NBEA: variants seen among roughly 807,000 people sequenced by gnomAD.
NBEA encodes the protein lysosomal-trafficking regulator 2.
In NBEA, 44 loss-of-function variants were observed where a neutral mutation model predicts 343.4. The observed-to-expected ratio is 0.13, with a 90% CI of 0.10 to 0.16. The LOEUF is 0.16. Ranked by LOEUF, NBEA falls within the 10% of genes least tolerant of loss-of-function variation. NBEA has a pLI of 1.00. For missense variants in NBEA, 2,555 were observed against 3,631.3 expected, an observed-to-expected ratio of 0.70 and a Z score of 7.62; for synonymous variants, 1,175 against 1,238.7, an observed-to-expected ratio of 0.95 and a Z score of 1.08.
In NBEA at chr13:35,125,708, A is replaced by T. The variant is rs532173177; in HGVS notation, c.2336+2134A>T. On this transcript the variant is annotated intron_variant, in intron 17 of 58. Coordinates refer to ENST00000379939, the MANE Select transcript of NBEA (RefSeq NM_001385012.1). The stretch of plus-strand genomic sequence containing the variant: ...TCAGTGCAGGTGAATCAGATAAAAA[A>T]CATGGAAAAAATAAGTTAAAGTAAC... Among the ~76,000 whole-genome samples, 11 of 152,346 alleles carry T rather than the reference A, an allele frequency of 7.2e-5. No individual in the cohort carries two copies. In the East Asian group the frequency reaches 2.1e-3, roughly 29 times the overall value.
intron 40 of NBEA, among the ~76,000 whole-genome samples, chr13:35,463,130 A>G (rs1019071725): frequency 3.9e-5 from 6 of 152,226 alleles, no homozygotes; most frequent in African/African-American, 7.2e-5. Context: ...AGGGCAGCCA[A>G]TGAAGGAGAG....
At chr13:35,115,050 G>C (rs2152665946) in intron 13 of NBEA, among the ~76,000 whole-genome samples, 1 of 152,074 alleles carries the variant, frequency 6.6e-6, no homozygotes, top group East Asian at 1.9e-4. Flanking sequence ...ATTATATATA[G>C]TTAAGTGTAA....
At chr13:35,509,831 C>T (rs1398090703) in intron 41 of NBEA, among the ~76,000 whole-genome samples, 1 of 152,126 alleles carries the variant, frequency 6.6e-6, no homozygotes, top group Non-Finnish European at 1.5e-5. Context: ...TGAAAATAGC[C>T]ATTGAATTGA....
chr13:35,621,688 C>T (rs2153061059), intron 48 of NBEA, among the ~76,000 whole-genome samples: 1 of 152,098 alleles, frequency 6.6e-6, no homozygotes, highest in Admixed American at 6.6e-5. Flanking sequence ...TGAGCTTCTT[C>T]CCCAGCCCCG....
intron 45 of NBEA, among the ~76,000 whole-genome samples, chr13:35,571,411 G>A (rs958848007): frequency 1.6e-4 from 25 of 152,208 alleles, no homozygotes; most frequent in African/African-American, 5.8e-4. Context: ...TGTAGGCTTC[G>A]CTCAAATATT....
At chr13:35,199,620 A>C (rs1178285577) in intron 31 of NBEA, among the ~76,000 whole-genome samples, 3 of 152,132 alleles carry the variant, frequency 2.0e-5, no homozygotes, top group African/African-American at 7.2e-5. Context: ...CCTGGATTTT[A>C]AATTTGGAAA....
chr13:35,164,071 C>G lies in NBEA; in HGVS notation c.4080-285C>G, dbSNP rs1211870355. ...GATTTGGCAAAATAAATATTTTTAG[C>G]CAAATTTGTTGAGTCAGTCATATGT... On this transcript the variant is annotated intron_variant, in intron 23 of 58. Coordinates refer to ENST00000379939, the MANE Select transcript of NBEA (RefSeq NM_001385012.1). Among the ~76,000 whole-genome samples the G allele has an allele frequency of 4.5e-4, 69 of 151,800 alleles. 2 individuals carry two copies. The highest frequency in any genetic ancestry group is 4.5e-3 in the Admixed American group (69 of 15,218).
At chr13:35,376,584 G>A (rs760403970) in intron 38 of NBEA, among the ~76,000 whole-genome samples, 13 of 151,832 alleles carry the variant, frequency 8.6e-5, no homozygotes, top group East Asian at 1.9e-4. Context: ...CTTTTCATTC[G>A]TTCTATAAAT....
At chr13:35,590,560 G>A (rs1176281783) in intron 46 of NBEA, among the ~76,000 whole-genome samples, 1 of 152,092 alleles carries the variant, frequency 6.6e-6, no homozygotes, top group East Asian at 1.9e-4. Flanking sequence ...TCTTTGTTAA[G>A]AGTTGAAAAC....
chr13:35,224,791 T>A (rs917375399), intron 33 of NBEA, among the ~76,000 whole-genome samples: 2 of 152,160 alleles, frequency 1.3e-5, no homozygotes, highest in Non-Finnish European at 2.9e-5. Context: ...TGTTTGTTTC[T>A]TCATGTGTAA....
chr13:35,276,520 C>G (rs2034600286), intron 34 of NBEA, among the ~76,000 whole-genome samples: 1 of 152,138 alleles, frequency 6.6e-6, no homozygotes, highest in African/African-American at 2.4e-5. Flanking sequence ...TGAAAAACTG[C>G]ATGCTGACTA....
chr13:35,353,160 G>A (rs778974385), intron 38 of NBEA, among the ~76,000 whole-genome samples: 4 of 152,148 alleles, frequency 2.6e-5, no homozygotes, highest in Non-Finnish European at 4.4e-5. Context: ...TGTTGACCTG[G>A]TGCGATGGCT....
chr13:35,455,594 C>A (rs2046540831), intron 40 of NBEA, among the ~76,000 whole-genome samples: 1 of 152,006 alleles, frequency 6.6e-6, no homozygotes, highest in African/African-American at 2.4e-5. Context: ...TTTACATTTT[C>A]ATGTTTTTAA....
At chr13:35,208,623 T>C (rs780270432) in intron 31 of NBEA, 77 bp from the exon 32 acceptor site, 26 of 1,293,998 alleles carry the variant, frequency 2.0e-5, no homozygotes, top group Non-Finnish European at 2.5e-5. Flanking sequence ...ATGTTGACTA[T>C]GTATATCTGT....
chr13:35,079,719 A>G (rs1410662756), intron 10 of NBEA, among the ~76,000 whole-genome samples: 1 of 152,148 alleles, frequency 6.6e-6, no homozygotes, highest in Non-Finnish European at 1.5e-5. Context: ...GAATAAAATC[A>G]TTTGTTAAGC....
intron 10 of NBEA, among the ~76,000 whole-genome samples, chr13:35,071,984 A>G (rs1310139685): frequency 2.0e-5 from 3 of 152,130 alleles, no homozygotes; most frequent in Non-Finnish European, 4.4e-5. Context: ...TTTGAAGTGA[A>G]AAGGAATCCT....
chr13:35,394,512 C>T (rs1005630640), intron 38 of NBEA, among the ~76,000 whole-genome samples: 2 of 152,014 alleles, frequency 1.3e-5, no homozygotes, highest in Admixed American at 6.6e-5. Context: ...GGTTCAATTT[C>T]GATTTACCCA....
At chr13:34,946,336 C>A (rs965872144) in intron 1 of NBEA, among the ~76,000 whole-genome samples, 2 of 152,096 alleles carry the variant, frequency 1.3e-5, no homozygotes, top group Admixed American at 6.5e-5. Context: ...TGTAAACACA[C>A]TTAACATATG....
intron 1 of NBEA, among the ~76,000 whole-genome samples, chr13:35,033,159 T>A (rs991435099): frequency 1.3e-5 from 2 of 151,982 alleles, no homozygotes; most frequent in Non-Finnish European, 2.9e-5. Context: ...AAGTCTTTAA[T>A]CCACTTTGAT....
Sources: allele counts gnomAD v4.1 joint callset (sites outside exome capture counted in the v4.1 genomes callset), GRCh38; gene constraint gnomAD v4.1.1; transcripts MANE v1.5; gene names NCBI Gene and HGNC (gene_info 2026-07-23, HGNC 2026-07-21).